Variants in LENG8 observed in about 807,000 individuals in gnomAD.
LENG8 encodes leukocyte receptor cluster member 8.
In LENG8, 28 loss-of-function variants were observed where a neutral mutation model predicts 102.1. The observed-to-expected ratio is 0.27, with a 90% CI of 0.20 to 0.38. The LOEUF is 0.38. Ranked by LOEUF, LENG8 falls within the 10% of genes least tolerant of loss-of-function variation. LENG8 has a pLI of 1.00. For missense variants in LENG8, 1,022 were observed against 1,113.9 expected (o/e 0.92, Z 1.17); for synonymous variants, 531 against 456.7 (o/e 1.16, Z -2.07).
At position 54,458,301 on chromosome 19, in the gene LENG8, G is replaced by C. The variant is rs757001206; in HGVS notation, c.2033-13G>C. ...GAGCCCTGCTGACTTCACCCTCTTT[G>C]TCTTGGTGCTAGACATCACCACGGA... On this transcript the variant is annotated splice_polypyrimidine_tract_variant and intron_variant, in intron 14 of 15. Coordinates refer to ENST00000326764, the MANE Select transcript of LENG8 (RefSeq NM_052925.4). 1 of 1,613,292 alleles carries C rather than the reference G, an allele frequency of 6.2e-7. No individual in the cohort carries two copies. The highest frequency in any genetic ancestry group is 8.5e-7 in the Non-Finnish European group (1 of 1,179,526).
rs1311735445 is a variant in LENG8 at position 54,454,460 on chromosome 19, T to A, written c.457T>A (p.Ser153Thr). The A allele has an allele frequency of 2.5e-6, 4 of 1,612,664 alleles. No individual in the cohort carries two copies. Among genetic ancestry groups the A allele is most frequent in the Non-Finnish European group, 3.4e-6 (4 of 1,179,338 alleles). The change falls in exon 6 of 16, where the codon TCC becomes ACC. Residue 153 changes from serine (S) to threonine (T), a missense_variant. Ser to Thr is a moderately conservative substitution (Grantham distance 58). Coordinates refer to ENST00000326764, the MANE Select transcript of LENG8 (RefSeq NM_052925.4). ...PPVPGMDESM[S>T]YQAPPQQLPS... ...AGTCCCCGGCATGGATGAGAGCATGTCCTACCAGGCTCCCCCTCAGCAGCT... is the reference window on the plus strand; with the variant it reads ...AGTCCCCGGCATGGATGAGAGCATGACCTACCAGGCTCCCCCTCAGCAGCT...
chr19:54,457,088 G>A (rs140015636), intron 11 of LENG8, among the ~76,000 whole-genome samples, 167 bp downstream of exon 11: 1,593 of 152,382 alleles, frequency 0.01, 27 homozygotes, highest in African/African-American at 0.036. Context: ...GCGCAAAGGC[G>A]CTCTGCTGCC....
Position 54,461,886 on chromosome 19 carries a change from T to TC in LENG8, c.*960dup. 1.3e-6 allele frequency: 1 copy of TC among 766,818 alleles called. No homozygotes were observed. 47.5% of individuals were successfully genotyped at this position (766,818 alleles called of 1,614,324 possible). On this transcript the variant is annotated 3_prime_UTR_variant, in exon 16 of 16. Transcript: ENST00000326764. ...AGCTGGACTGTCAGGCTGCTTTTTT[T>TC]CCAGATGTTCCTCCTCTGCCTCCCC... is the stretch of plus-strand genomic sequence containing the variant.
At chr19:54,452,626 G>C (rs372125205) in intron 3 of LENG8, 25 bp from the exon 4 acceptor site, 1 of 1,512,658 alleles carries the variant, frequency 6.6e-7, no homozygotes, top group Non-Finnish European at 8.8e-7. Flanking sequence ...GGCTGCTGAC[G>C]GCACATGTGC....
chr19:54,454,928 C>A, intron 6 of LENG8, 23 bp from the exon 7 acceptor site: 1 of 1,614,074 alleles, frequency 6.2e-7, no homozygotes, highest in South Asian at 1.1e-5. Context: ...AGGGCCTAAC[C>A]ATAGCTTTCG....
At chr19:54,450,520 C>G (rs1164028152) in intron 1 of LENG8, among the ~76,000 whole-genome samples, 1 of 152,082 alleles carries the variant, frequency 6.6e-6, no homozygotes, top group Admixed American at 6.5e-5. Flanking sequence ...TTCTCGGAAA[C>G]CTTTCCACCC....
chr19:54,450,222 C>G (rs529206524), intron 1 of LENG8, among the ~76,000 whole-genome samples: 112 of 152,314 alleles, frequency 7.4e-4, no homozygotes, highest in Non-Finnish European at 9.6e-4. Flanking sequence ...AGCCCTACCC[C>G]TGCTTCCGGG....
chr19:54,455,848 G>C (rs2084204009), intron 8 of LENG8, 119 bp from the exon 9 acceptor site: 1 of 1,131,302 alleles, frequency 8.8e-7, no homozygotes, highest in Non-Finnish European at 1.2e-6. Context: ...TAGTAGCTGA[G>C]CCGCCTGGGG....
intron 1 of LENG8, among the ~76,000 whole-genome samples, chr19:54,450,991 C>T (rs992854275): frequency 6.6e-6 from 1 of 152,198 alleles, no homozygotes; most frequent in East Asian, 1.9e-4. Context: ...ATCACAGCCT[C>T]TCTTTGCTCA....
chr19:54,456,097 G>A lies in LENG8; in HGVS notation c.1156G>A (p.Gly386Arg), dbSNP rs780658929. 10 of 1,608,646 alleles carry A rather than the reference G, an allele frequency of 6.2e-6. No individual in the cohort carries two copies. Among genetic ancestry groups the A allele is most frequent in the East Asian group, 2.2e-5 (1 of 44,758 alleles). The change falls in exon 9 of 16, where the codon GGG becomes AGG. Residue 386 changes from glycine (G) to arginine (R), a missense_variant. Physicochemically the swap from Gly to Arg is moderately radical, Grantham distance 125 (BLOSUM62 -2). This residue lies in a region of LENG8 where 326 missense variants were observed against 324.5 expected (regional missense o/e 1.00). Coordinates refer to ENST00000326764, the MANE Select transcript of LENG8 (RefSeq NM_052925.4). ...GGAPSQRGTP[G>R]AGGAGRARGN... Reference sequence around the variant, plus strand: ...TGCCCCGTCCCAGCGAGGGACGCCCGGGGCTGGGGGTGCCGGTCGAGCCCG... The same window carrying A: ...TGCCCCGTCCCAGCGAGGGACGCCCAGGGCTGGGGGTGCCGGTCGAGCCCG...
In LENG8 at chr19:54,457,774, A is replaced by C. The variant is rs1022055387; in HGVS notation, c.1759A>C (p.Lys587Gln). Residue 587 changes from lysine (K) to glutamine (Q), a missense_variant, in exon 12 of 16, where the codon AAG becomes CAG. By Grantham distance (53) the Lys-to-Gln change is moderately conservative. This residue lies in a region of LENG8 where 158 missense variants were observed against 229.0 expected (regional missense o/e 0.69). Transcript: ENST00000326764. ...AVLKKSLCMV[K>Q]CHWKEKQDYA... ...TTTGAAAAAGTCGCTGTGCATGGTC[A>C]AGTGCCACTGGAAAGAGAAGCAGGA... is the stretch of plus-strand genomic sequence containing the variant. 5 of 1,614,070 alleles carry C rather than the reference A, an allele frequency of 3.1e-6. No individual in the cohort carries two copies. Among genetic ancestry groups the C allele is most frequent in the Non-Finnish European group, 4.2e-6 (5 of 1,179,902 alleles).
At chr19:54,453,721 T>G in intron 5 of LENG8, 65 bp downstream of exon 5, 1 of 1,162,472 alleles carries the variant, frequency 8.6e-7, no homozygotes, top group Non-Finnish European at 1.3e-6. Flanking sequence ...TTGAATGAGC[T>G]GTCAATGAGG....
Position 54,450,145 on chromosome 19 carries a change from G to A in LENG8, c.-56+835G>A, listed in dbSNP as rs539308313. Among the ~76,000 whole-genome samples the A allele has an allele frequency of 6.6e-5, 10 of 152,116 alleles. No homozygotes were observed. In the East Asian group the frequency reaches 1.9e-3, roughly 29 times the overall value. ...CTCTTAATTCGTTGAACATGTTTTGGGTCTTCTTTGGCATTCCCAAAGCTT... is the reference window on the plus strand; with the variant it reads ...CTCTTAATTCGTTGAACATGTTTTGAGTCTTCTTTGGCATTCCCAAAGCTT... On this transcript the variant is annotated intron_variant, in intron 1 of 15. Transcript: ENST00000326764.
rs745901286 is a variant in LENG8 at position 54,456,897 on chromosome 19, C to A, written c.1707C>A (p.Asp569Glu). The change falls in exon 11 of 16, where the codon GAC becomes GAA. Residue 569 changes from aspartate to glutamate, a missense_variant. Transcript: ENST00000326764. ...ACCTGCGCCTCACCTGTGCCCCCGACCCGTCCACCGTGCGCCCTGTGGCAG... is the reference window on the plus strand; with the variant it reads ...ACCTGCGCCTCACCTGTGCCCCCGAACCGTCCACCGTGCGCCCTGTGGCAG... ...KHYLRLTCAP[D>E]PSTVRPVAVL... is the part of the protein sequence containing the mutation. 6.2e-7 allele frequency: 1 copy of A among 1,608,488 alleles called. No individual in the cohort carries two copies. Among genetic ancestry groups the A allele is most frequent in the Non-Finnish European group, 8.5e-7 (1 of 1,179,704 alleles).
chr19:54,457,684 T>C (rs1049160092), intron 11 of LENG8, 63 bp from the exon 12 acceptor site: 12 of 1,154,068 alleles, frequency 1.0e-5, no homozygotes, highest in Non-Finnish European at 1.4e-5. Context: ...ACCAAATAAG[T>C]GGAAGCCGTT....
In LENG8 at chr19:54,454,971, C is replaced by T. The variant is rs778393364; in HGVS notation, c.700C>T (p.Leu234Phe). 6.2e-6 allele frequency: 10 copies of T among 1,614,080 alleles called. No homozygotes were observed. The highest frequency in any genetic ancestry group is 2.2e-5 in the East Asian group (1 of 44,892). ...CACAGCCGCCCCTGGGACTGGAGGT[C>T]TCAAGTTCAACATCCAGAAGCGACC... ...RMKPAPGTGGLKFNIQKRPFA... is the reference protein window; with the variant it reads ...RMKPAPGTGGFKFNIQKRPFA... Residue 234 changes from leucine (L) to phenylalanine (F), a missense_variant, in exon 7 of 16, where the codon CTC becomes TTC. Leu to Phe is a conservative substitution (Grantham distance 22). This residue lies in a region of LENG8 where 343 missense variants were observed against 320.2 expected (regional missense o/e 1.07). Coordinates refer to ENST00000326764, the MANE Select transcript of LENG8 (RefSeq NM_052925.4).
chr19:54,454,017 T>C (rs2084090323), intron 5 of LENG8, among the ~76,000 whole-genome samples: 1 of 152,086 alleles, frequency 6.6e-6, no homozygotes, highest in African/African-American at 2.4e-5. Flanking sequence ...ACCCCTGGTG[T>C]AATTACGCAT....
intron 15 of LENG8, chr19:54,459,920 G>C: frequency 2.5e-6 from 3 of 1,196,990 alleles, no homozygotes; most frequent in Non-Finnish European, 2.1e-6. Context: ...TGCTACACAG[G>C]GGTGTGTGGT....
Position 54,455,075 on chromosome 19 carries a change from G to C in LENG8, c.804G>C (p.Glu268Asp). 2 of 1,614,194 alleles carry C rather than the reference G, an allele frequency of 1.2e-6. No individual in the cohort carries two copies. Among genetic ancestry groups the C allele is most frequent in the Non-Finnish European group, 1.7e-6 (2 of 1,180,038 alleles). ...HSGFGPQPNP[E>D]KVQNHSGSSA... ...GTTTTGGCCCCCAGCCCAACCCTGA[G>C]AAAGTTCAGAACCACAGGTGACGTC... The change falls in exon 7 of 16, where the codon GAG (glutamate) becomes GAC (aspartate). Residue 268 changes from glutamate (E) to aspartate (D), a missense_variant. By Grantham distance (45) the Glu-to-Asp change is conservative. Around this residue, in one of 7 missense-constraint regions of LENG8, gnomAD observed 343 missense variants for 320.2 expected, o/e 1.07. Coordinates refer to ENST00000326764, the MANE Select transcript of LENG8 (RefSeq NM_052925.4).
Sources: gnomAD v4.1 joint callset for allele counts (sites outside exome capture counted in the v4.1 genomes callset) on GRCh38, gnomAD v4.1.1 for gene constraint, gnomAD v4.1.1 regional missense constraint, MANE v1.5 for transcripts, NCBI Gene and HGNC (gene_info 2026-07-23, HGNC 2026-07-21) for gene names.